Variants in LDLRAD4 observed in about 807,000 individuals in gnomAD.
LDLRAD4 encodes low density lipoprotein receptor class A domain containing 4.
Under a neutral mutation model 17.0 loss-of-function variants are expected in LDLRAD4, and 5 were observed. That is an observed-to-expected ratio of 0.29 (90% confidence interval 0.15 to 0.62). LDLRAD4 has a LOEUF of 0.62. LDLRAD4 is among the 20% of genes least tolerant of loss of function. LDLRAD4 has a pLI of 0.84. For synonymous variants in LDLRAD4, 168 were observed against 171.8 expected (o/e 0.98, Z 0.17); for missense variants, 340 against 424.7 (o/e 0.80, Z 1.75).
chr18:13,268,535 T>C (rs2044350838), intron 1 of LDLRAD4, among the ~76,000 whole-genome samples: 1 of 152,216 alleles, frequency 6.6e-6, no homozygotes, highest in Non-Finnish European at 1.5e-5. Flanking sequence ...AATGCAGCCT[T>C]GTTAAGTCAC....
At position 13,387,411 on chromosome 18, in the gene LDLRAD4, A is replaced by T. The variant is rs2085920178; in HGVS notation, c.-312A>T. The T allele has an allele frequency of 3.2e-6, 1 of 314,702 alleles. No homozygotes were observed. Among genetic ancestry groups the T allele is most frequent in the Non-Finnish European group, 5.8e-6 (1 of 171,102 alleles). The allele number at this position is 314,702 out of a possible 1,614,324, so 19.5% of individuals were successfully genotyped here. On this transcript the variant is annotated 5_prime_UTR_variant, in exon 2 of 6. The change abolishes an upstream ATG in the 5' untranslated region. Coordinates refer to ENST00000359446, the Ensembl canonical transcript of LDLRAD4. ...CCGCGTGCAGGTGCGACCCTGCAGG[A>T]TGCTGGCAGCGGCGTGGCCAGGGGC...
intron 3 of LDLRAD4, among the ~76,000 whole-genome samples, chr18:13,574,152 A>G (rs976941633): frequency 6.6e-6 from 1 of 152,212 alleles, no homozygotes; most frequent in Admixed American, 6.5e-5. Context: ...TGGTAGGATG[A>G]CCAGATTTGC....
intron 1 of LDLRAD4, chr18:13,242,122 A>G (rs921362578): frequency 1.3e-5 from 2 of 152,274 alleles, no homozygotes; most frequent in African/African-American, 4.8e-5. Flanking sequence ...TCGGGGTTCT[A>G]GGAAAAAGAG....
intron 1 of LDLRAD4, among the ~76,000 whole-genome samples, chr18:13,383,885 T>C (rs893488992): frequency 3.3e-5 from 5 of 152,220 alleles, no homozygotes; most frequent in African/African-American, 1.2e-4. Context: ...AGCTAATCTT[T>C]GTTGCTAGCA....
intron 3 of LDLRAD4, among the ~76,000 whole-genome samples, chr18:13,528,439 A>C (rs2094070313): frequency 6.6e-6 from 1 of 152,108 alleles, no homozygotes; most frequent in East Asian, 1.9e-4. Flanking sequence ...CAGCCTCCTG[A>C]GTAGCTGGGA....
At chr18:13,248,020 G>A (rs2043049029) in intron 1 of LDLRAD4, among the ~76,000 whole-genome samples, 1 of 144,020 alleles carries the variant, frequency 6.9e-6, no homozygotes. Context: ...GAGTACAATG[G>A]CACGATCTTG....
intron 5 of LDLRAD4, 52 bp downstream of exon 6, chr18:13,643,464 G>GGGGGGGGGCC: frequency 3.5e-6 from 1 of 288,990 alleles, no homozygotes; most frequent in East Asian, 5.7e-5. Flanking sequence ...GGTGGGTGGG[G>GGGGGGGGGCC]ATGAAGGGGG....
At chr18:13,514,220 ACT>A (rs753272489) in intron 3 of LDLRAD4, among the ~76,000 whole-genome samples, 1 of 152,012 alleles carries the variant, frequency 6.6e-6, no homozygotes, top group East Asian at 1.9e-4. Context: ...TTGTATCCTG[ACT>A]CTCTCTGTGA....
intron 2 of LDLRAD4, among the ~76,000 whole-genome samples, chr18:13,392,014 G>A (rs2086311748): frequency 6.6e-6 from 1 of 152,194 alleles, no homozygotes; most frequent in South Asian, 2.1e-4. Context: ...AAGCTCTTCT[G>A]TATATTTGAT....
intron 3 of LDLRAD4, chr18:13,521,508 G>C (rs2093952476): frequency 6.6e-6 from 1 of 152,144 alleles, no homozygotes; most frequent in South Asian, 2.1e-4. Flanking sequence ...GAGTACCTGT[G>C]CTGGATGGAT....
At chr18:13,586,825 C>T (rs1361109251) in intron 3 of LDLRAD4, among the ~76,000 whole-genome samples, 18 of 146,696 alleles carry the variant, frequency 1.2e-4, no homozygotes, top group Middle Eastern at 3.6e-3. Flanking sequence ...AGGCAGAGGT[C>T]GCAGCCAGCC....
chr18:13,375,852 G>A (rs1183830593), intron 1 of LDLRAD4, among the ~76,000 whole-genome samples: 1 of 152,080 alleles, frequency 6.6e-6, no homozygotes, highest in Non-Finnish European at 1.5e-5. Context: ...CTTCAACACT[G>A]GTCTTGTCCA....
Position 13,645,009 on chromosome 18 carries a change from G to A in LDLRAD4, c.391-118G>A. 1.3e-6 allele frequency: 1 copy of A among 790,924 alleles called. No individual in the cohort carries two copies. The highest frequency in any genetic ancestry group is 2.0e-6 in the Non-Finnish European group (1 of 498,508). 49.0% of individuals were successfully genotyped at this position (790,924 alleles called of 1,614,324 possible). A position where few individuals can be genotyped will look rare whatever the true frequency, so the allele number is the denominator to read the frequency against. On this transcript the variant is annotated intron_variant, in intron 5 of 5. Coordinates refer to ENST00000359446, the Ensembl canonical transcript of LDLRAD4. This position sits in a 1 kb window ranked among gnomAD's most constrained non-coding sequence, Gnocchi z 5.7. ...TCCTGTTTTCTTTTTTTTTTTCCTG[G>A]GAGATGGTGTTCAAACTGGTAGGAA...
chr18:13,218,952 C>CG (rs1215007827), exon 1 of LDLRAD4: 1 of 152,324 alleles, frequency 6.6e-6, no homozygotes, highest in Non-Finnish European at 1.5e-5. Flanking sequence ...GACCCCTTCC[C>CG]GGTGCGCCGC....
At chr18:13,494,996 T>C (rs1539803) in intron 3 of LDLRAD4, among the ~76,000 whole-genome samples, 22 of 151,832 alleles carry the variant, frequency 1.4e-4, no homozygotes, top group Admixed American at 1.1e-3. Context: ...GCCTCCCAGC[T>C]TGGCAGTTAG....
At chr18:13,317,683 A>G (rs1048681944) in intron 1 of LDLRAD4, among the ~76,000 whole-genome samples, 1 of 152,234 alleles carries the variant, frequency 6.6e-6, no homozygotes, top group Non-Finnish European at 1.5e-5. Flanking sequence ...ACAAGACAGT[A>G]TGTGCACTGT....
chr18:13,354,781 C>A (rs1331231128), intron 1 of LDLRAD4, among the ~76,000 whole-genome samples: 1 of 152,164 alleles, frequency 6.6e-6, no homozygotes, highest in Non-Finnish European at 1.5e-5. Context: ...CCTCAATGTG[C>A]AGTTTGGTCG....
chr18:13,614,282 C>T (rs1213195863), intron 3 of LDLRAD4: 2 of 152,186 alleles, frequency 1.3e-5, no homozygotes, highest in African/African-American at 4.8e-5. Context: ...ATGGATACCA[C>T]CAAGACAGTG....
intron 3 of LDLRAD4, among the ~76,000 whole-genome samples, chr18:13,582,870 G>C (rs72884421): frequency 0.035 from 5,350 of 152,260 alleles, 153 homozygotes; most frequent in Non-Finnish European, 0.054. Flanking sequence ...ATGCCGCTGT[G>C]CTGGCTAATT....
Sources: allele counts gnomAD v4.1 joint callset (sites outside exome capture counted in the v4.1 genomes callset), GRCh38; gene constraint gnomAD v4.1.1; non-coding constraint Gnocchi (gnomAD v3.1); transcripts MANE v1.5; gene names NCBI Gene and HGNC (gene_info 2026-07-23, HGNC 2026-07-21).